Variants in LRRC4 observed in about 807,000 individuals in gnomAD.
LRRC4 encodes leucine-rich repeat-containing protein 4.
Under a neutral mutation model 37.9 loss-of-function variants are expected in LRRC4, and 11 were observed. The observed-to-expected ratio is 0.29, with a 90% CI of 0.18 to 0.48. The LOEUF is 0.48. LRRC4 is among the 20% of genes least tolerant of loss of function. The pLI is 0.99. For synonymous variants in LRRC4, 404 were observed against 346.7 expected (o/e 1.17, Z -1.84); for missense variants, 717 against 842.1 (o/e 0.85, Z 1.84).
In LRRC4 at chr7:128,027,781, T is replaced by A. The variant is rs966617302; in HGVS notation, c.*898A>T. ...TAATTTATGGCCTCCTGTGAATACA[T>A]TCTCTCTGCTTTACCCTCCCTTCCC... is the stretch of plus-strand genomic sequence containing the variant. On this transcript the variant is annotated 3_prime_UTR_variant, in exon 2 of 2. Coordinates refer to ENST00000249363, the MANE Select transcript of LRRC4 (RefSeq NM_022143.5). 10 of 152,186 alleles carry A rather than the reference T, an allele frequency of 6.6e-5. No homozygotes were observed. Among genetic ancestry groups the A allele is most frequent in the African/African-American group, 2.4e-4 (10 of 41,430 alleles). The allele number at this position is 152,186 out of a possible 1,614,324, so 9.4% of individuals were successfully genotyped here. A position where few individuals can be genotyped will look rare whatever the true frequency, so the allele number is the denominator to read the frequency against.
rs1803505917 is a variant in LRRC4, at chr7:128,027,363, C to T, written c.*1316G>A. 1 of 152,534 alleles carries T rather than the reference C, an allele frequency of 6.6e-6. No homozygotes were observed. The highest frequency in any genetic ancestry group is 6.5e-5 in the Admixed American group (1 of 15,276). 9.4% of individuals were successfully genotyped at this position (152,534 alleles called of 1,614,324 possible). A position where few individuals can be genotyped will look rare whatever the true frequency, so the allele number is the denominator to read the frequency against. On this transcript the variant is annotated 3_prime_UTR_variant, in exon 2 of 2. Coordinates refer to ENST00000249363, the MANE Select transcript of LRRC4 (RefSeq NM_022143.5). ...ATCAGTGTGCTCCATTCAACAGTAC[C>T]CCATGTGGAACTCCATGTGTGCATG...
In LRRC4 at chr7:128,030,924, G is replaced by T; in HGVS notation, c.-112C>A. 1 of 336,956 alleles carries T rather than the reference G, an allele frequency of 3.0e-6. No homozygotes were observed. The highest frequency in any genetic ancestry group is 4.4e-5 in the Admixed American group (1 of 22,522). The allele number at this position is 336,956 out of a possible 1,614,324, so 20.9% of individuals were successfully genotyped here. On this transcript the variant is annotated 5_prime_UTR_variant, in exon 1 of 2. Transcript: ENST00000249363. ...TCGCCGTCACCTACCTCGGAAGGAA[G>T]GCAGGAAAGCACTGGCGTGGTGTCC...
Position 128,030,593 on chromosome 7 carries a change from G to T in LRRC4, c.48C>A (p.Ala16=). 2 of 1,596,602 alleles carry T rather than the reference G, an allele frequency of 1.3e-6. No homozygotes were observed. The highest frequency in any genetic ancestry group is 1.7e-6 in the Non-Finnish European group (2 of 1,168,792). The change falls in exon 2 of 2, where the codon GCC becomes GCA. Residue 16 remains alanine (A), a synonymous_variant. Transcript: ENST00000249363. ...QVTVHHHTWN[A]ILLPFVYLTA... ...TGAGGTAGACGAACGGGAGCAGGAT[G>T]GCATTCCAGGTGTGGTGGTGCACAG...
chr7:128,028,550 T>C lies in LRRC4; in HGVS notation c.*129A>G, dbSNP rs974465190. On this transcript the variant is annotated 3_prime_UTR_variant, in exon 2 of 2. Coordinates refer to ENST00000249363, the MANE Select transcript of LRRC4 (RefSeq NM_022143.5). ...TGTCTTTAAATTTTAATATAATCTGTTTTTTTTAACCAGCCCATAGACTTA... is the reference window on the plus strand; with the variant it reads ...TGTCTTTAAATTTTAATATAATCTGCTTTTTTTAACCAGCCCATAGACTTA... 5.9e-6 allele frequency: 5 copies of C among 847,582 alleles called. No individual in the cohort carries two copies. The highest frequency in any genetic ancestry group is 8.8e-6 in the Non-Finnish European group (5 of 568,434). The allele number at this position is 847,582 out of a possible 1,614,324, so 52.5% of individuals were successfully genotyped here.
rs1388282194 is a variant in LRRC4 at position 128,031,056 on chromosome 7, AGGGGAGGGGAGGGAAGGGGTG to A, written c.-265_-245del. On this transcript the variant is annotated 5_prime_UTR_variant, in exon 1 of 2. Transcript: ENST00000249363. ...GGGCGGGGAGGGCAGAGGGGAGGGG[AGGGGAGGGGAGGGAAGGGGTG>A]GGGGAGACAAAATGGCCTCTAGTAA... 1 of 13,946 alleles carries A rather than the reference AGGGGAGGGGAGGGAAGGGGTG, an allele frequency of 7.2e-5. No individual in the cohort carries two copies. The highest frequency in any genetic ancestry group is 6.0e-4 in the Admixed American group (1 of 1,660). The allele number at this position is 13,946 out of a possible 1,614,324, so 0.9% of individuals were successfully genotyped here.
At position 128,030,534 on chromosome 7, in the gene LRRC4, G is replaced by C. The variant is rs780684633; in HGVS notation, c.107C>G (p.Ala36Gly). The change falls in exon 2 of 2, where the codon GCT (alanine) becomes GGT (glycine). Residue 36 changes from alanine to glycine, a missense_variant. By Grantham distance (60) the Ala-to-Gly change is moderately conservative. Coordinates refer to ENST00000249363, the MANE Select transcript of LRRC4 (RefSeq NM_022143.5). ...AQVWILCAAI[A>G]AAASAGPQNC... ...CTGGGGCCCGGCTGAGGCGGCAGCA[G>C]CGATGGCTGCACACAGAATCCACAC... 4 of 1,613,306 alleles carry C rather than the reference G, an allele frequency of 2.5e-6. No individual in the cohort carries two copies. Among genetic ancestry groups the C allele is most frequent in the South Asian group, 2.2e-5 (2 of 91,036 alleles).
chr7:128,032,020 C>T (rs1216347220), upstream of LRRC4: 1 of 151,696 alleles, frequency 6.6e-6, no homozygotes, highest in African/African-American at 2.4e-5. Flanking sequence ...CCCACCGTCT[C>T]CTCCTCGCGC....
In LRRC4 at chr7:128,029,877, C is replaced by T. The variant is rs1339727421; in HGVS notation, c.764G>A (p.Ser255Asn). ...GTCAAAAGCATTCCGCTCAATCAGG[C>T]TGACCTGTGAGTTCATGACCCAGAG... ...KKLWVMNSQV[S>N]LIERNAFDGL... Residue 255 changes from serine (S) to asparagine (N), a missense_variant, in exon 2 of 2, where the codon AGC (serine) becomes AAC (asparagine). Around this residue, in one of 5 missense-constraint regions of LRRC4, gnomAD observed 138 missense variants for 261.0 expected, o/e 0.53. Transcript: ENST00000249363. The surrounding 1 kb of genome is among the most constrained non-coding windows in gnomAD (Gnocchi z 4.2). The T allele has an allele frequency of 1.9e-6, 3 of 1,613,398 alleles. No homozygotes were observed. Among genetic ancestry groups the T allele is most frequent in the East Asian group, 4.5e-5 (2 of 44,880 alleles).
Position 128,029,563 on chromosome 7 carries a change from G to C in LRRC4, c.1078C>G (p.Arg360Gly). 3.7e-6 allele frequency: 6 copies of C among 1,614,024 alleles called. No homozygotes were observed. Among genetic ancestry groups the C allele is most frequent in the Non-Finnish European group, 5.1e-6 (6 of 1,180,016 alleles). The change falls in exon 2 of 2, where the codon CGA becomes GGA. Residue 360 changes from arginine (R) to glycine (G), a missense_variant. Transcript: ENST00000249363. The surrounding 1 kb of genome is among the most constrained non-coding windows in gnomAD (Gnocchi z 4.2). The stretch of plus-strand genomic sequence containing the variant: ...CGACCCTCAGAAATGTTGAGGTCTC[G>C]AGGTGCGTCCATGATGAAGGGGGCA... ...CSAPFIMDAP[R>G]DLNISEGRMA...
chr7:128,028,848 A>G lies in LRRC4; in HGVS notation c.1793T>C (p.Leu598Pro), dbSNP rs756127788. 6.2e-7 allele frequency: 1 copy of G among 1,614,106 alleles called. No individual in the cohort carries two copies. The highest frequency in any genetic ancestry group is 8.5e-7 in the Non-Finnish European group (1 of 1,180,056). The change falls in exon 2 of 2, where the codon CTG becomes CCG. Residue 598 changes from leucine to proline, a missense_variant. Leu to Pro is a moderately conservative substitution (Grantham distance 98). Transcript: ENST00000249363. The stretch of plus-strand genomic sequence containing the variant: ...GTTAATATGGTCATGAATTGTGGGC[A>G]GCACTACTGCCCCCTCACCTGATAC... ...SGVSGEGAVVLPTIHDHINYN... is the reference protein window; with the variant it reads ...SGVSGEGAVVPPTIHDHINYN...
At chr7:128,031,551 C>T (rs1220605944), upstream of LRRC4, 3 of 150,996 alleles carry the variant, frequency 2.0e-5, no homozygotes, top group Non-Finnish European at 3.0e-5. Flanking sequence ...GAGACAAAAA[C>T]GGGGGGTCAG....
At position 128,029,313 on chromosome 7, in the gene LRRC4, G is replaced by A. The variant is rs749810617; in HGVS notation, c.1328C>T (p.Thr443Met). 30 of 1,614,044 alleles carry A rather than the reference G, an allele frequency of 1.9e-5. No homozygotes were observed. The highest frequency in any genetic ancestry group is 2.5e-5 in the Non-Finnish European group (29 of 1,180,036). The change falls in exon 2 of 2, where the codon ACG becomes ATG. Residue 443 changes from threonine (T) to methionine (M), a missense_variant. Coordinates refer to ENST00000249363, the MANE Select transcript of LRRC4 (RefSeq NM_022143.5). The surrounding 1 kb of genome is among the most constrained non-coding windows in gnomAD (Gnocchi z 4.2). ...GTAGTTGGAGGTGTTAAGCTCAGCCGTGCTCACATTGAGGTAGGCCGAGGC... is the reference window on the plus strand; with the variant it reads ...GTAGTTGGAGGTGTTAAGCTCAGCCATGCTCACATTGAGGTAGGCCGAGGC... ...SNASAYLNVS[T>M]AELNTSNYSF...
chr7:128,029,564 A>C lies in LRRC4; in HGVS notation c.1077T>G (p.Pro359=). The C allele has an allele frequency of 6.2e-7, 1 of 1,614,020 alleles. No homozygotes were observed. Among genetic ancestry groups the C allele is most frequent in the Non-Finnish European group, 8.5e-7 (1 of 1,180,014 alleles). ...QCSAPFIMDA[P]RDLNISEGRM... ...GACCCTCAGAAATGTTGAGGTCTCG[A>C]GGTGCGTCCATGATGAAGGGGGCAG... is the stretch of plus-strand genomic sequence containing the variant. The change falls in exon 2 of 2, where the codon CCT becomes CCG. Residue 359 remains proline, a synonymous_variant. Coordinates refer to ENST00000249363, the MANE Select transcript of LRRC4 (RefSeq NM_022143.5). This position sits in a 1 kb window ranked among gnomAD's most constrained non-coding sequence, Gnocchi z 4.2.
rs1792572888 is a variant in LRRC4, at chr7:128,030,956, T to C, written c.-144A>G. On this transcript the variant is annotated 5_prime_UTR_variant, in exon 1 of 2. Transcript: ENST00000249363. ...AAGCACTGGCGTGGTGTCCTTAAGC[T>C]TTCTCCACGGGAGCTGGGCACCTCG... The C allele has an allele frequency of 8.6e-6, 2 of 232,604 alleles. No individual in the cohort carries two copies. The highest frequency in any genetic ancestry group is 5.5e-5 in the Admixed American group (1 of 18,212). 14.4% of individuals were successfully genotyped at this position (232,604 alleles called of 1,614,324 possible). A position where few individuals can be genotyped will look rare whatever the true frequency, so the allele number is the denominator to read the frequency against.
rs1282518740 is a variant in LRRC4 at position 128,030,194 on chromosome 7, C to A, written c.447G>T (p.Leu149=). The A allele has an allele frequency of 1.2e-6, 2 of 1,614,110 alleles. No individual in the cohort carries two copies. Among genetic ancestry groups the A allele is most frequent in the East Asian group, 2.2e-5 (1 of 44,886 alleles). ...PSGAFEYLSK[L]RELWLRNNPI... ...GGTTGTTGCGAAGCCAGAGCTCCCG[C>A]AGCTTGGACAGGTATTCAAAGGCCC... The change falls in exon 2 of 2, where the codon CTG becomes CTT. Residue 149 remains leucine (L), a synonymous_variant. Coordinates refer to ENST00000249363, the MANE Select transcript of LRRC4 (RefSeq NM_022143.5).
Position 128,029,644 on chromosome 7 carries a change from T to TG in LRRC4, c.996dup (p.Met333HisfsTer34). 6.2e-7 allele frequency: 1 copy of TG among 1,613,878 alleles called. No individual in the cohort carries two copies. Among genetic ancestry groups the TG allele is most frequent in the Non-Finnish European group, 8.5e-7 (1 of 1,179,982 alleles). On this transcript the variant is annotated frameshift_variant, in exon 2 of 2. Coordinates refer to ENST00000249363, the MANE Select transcript of LRRC4 (RefSeq NM_022143.5). LOFTEE classifies it high-confidence loss of function. The surrounding 1 kb of genome is among the most constrained non-coding windows in gnomAD (Gnocchi z 4.2). ...ACGAGGTAGCGGCCTCGCATGTGCA[T>TG]GGGAGCATGACAGCGGCCACAGCAG...
rs746701145 is a variant in LRRC4 at position 128,030,354 on chromosome 7, C to A, written c.287G>T (p.Arg96Leu). 6.2e-7 allele frequency: 1 copy of A among 1,613,914 alleles called. No individual in the cohort carries two copies. The highest frequency in any genetic ancestry group is 1.7e-5 in the Admixed American group (1 of 60,020). The change falls in exon 2 of 2, where the codon CGC (arginine) becomes CTC (leucine). Residue 96 changes from arginine to leucine, a missense_variant. By Grantham distance (102) the Arg-to-Leu change is moderately radical. This residue lies in a region of LRRC4 where 127 missense variants were observed against 134.8 expected (regional missense o/e 0.94). Transcript: ENST00000249363. The stretch of plus-strand genomic sequence containing the variant: ...CAGGACCTCCAGGTGGTGGAGGTGG[C>A]GGAAGGTGTCGGCCTGGATCATCTG... ...NIQMIQADTF[R>L]HLHHLEVLQL...
In LRRC4 at chr7:128,028,762, G is replaced by C; in HGVS notation, c.1879C>G (p.Leu627Val). 1 of 1,614,080 alleles carries C rather than the reference G, an allele frequency of 6.2e-7. No individual in the cohort carries two copies. ...GAGATAGTGGTGACTGTGGGGTGCA[G>C]AGAGTTCCCCAGGCTGTTTTCTGTC... ...HWTENSLGNSLHPTVTTISEP... is the reference protein window; with the variant it reads ...HWTENSLGNSVHPTVTTISEP... Residue 627 changes from leucine (L) to valine (V), a missense_variant, in exon 2 of 2, where the codon CTG becomes GTG. By Grantham distance (32) the Leu-to-Val change is conservative. This residue lies in a region of LRRC4 where 140 missense variants were observed against 137.2 expected (regional missense o/e 1.02). Transcript: ENST00000249363.
Position 128,029,146 on chromosome 7 carries a change from G to A in LRRC4, c.1495C>T (p.Arg499Cys), listed in dbSNP as rs781397665. Residue 499 changes from arginine (R) to cysteine (C), a missense_variant, in exon 2 of 2, where the codon CGT becomes TGT. By Grantham distance (180) the Arg-to-Cys change is radical. Coordinates refer to ENST00000249363, the MANE Select transcript of LRRC4 (RefSeq NM_022143.5). This position sits in a 1 kb window ranked among gnomAD's most constrained non-coding sequence, Gnocchi z 4.2. ...GGTACTGCCACCTGCTTGGGCACAC[G>A]GGTAGTCTGAATGAGCACCGTGGTA... ...TSTTVLIQTT[R>C]VPKQVAVPAT... is the part of the protein sequence containing the mutation. The A allele has an allele frequency of 6.8e-6, 11 of 1,614,062 alleles. No individual in the cohort carries two copies. The highest frequency in any genetic ancestry group is 1.7e-5 in the Admixed American group (1 of 60,014).
Sources: gnomAD v4.1 joint callset for allele counts on GRCh38, gnomAD v4.1.1 for gene constraint, gnomAD v4.1.1 regional missense constraint, Gnocchi (gnomAD v3.1) non-coding constraint, MANE v1.5 for transcripts, NCBI Gene and HGNC (gene_info 2026-07-23, HGNC 2026-07-21) for gene names.